Variants in DGKB observed in about 807,000 individuals in gnomAD.
The protein encoded by DGKB is 90 kDa diacylglycerol kinase.
In DGKB, 67 loss-of-function variants were observed where a neutral mutation model predicts 114.3. The ratio of observed to expected loss-of-function variants is 0.59; its 90% CI spans 0.48 to 0.72. The LOEUF (loss-of-function observed/expected upper bound fraction) is 0.72. DGKB is among the 30% of genes least tolerant of loss of function. The pLI is 0.00. For missense variants in DGKB, 907 were observed against 975.2 expected (o/e 0.93, Z 0.93); for synonymous variants, 398 against 323.1 (o/e 1.23, Z -2.49).
At chr7:14,917,427 T>G (rs1784297197) in intron 1 of DGKB, among the ~76,000 whole-genome samples, 1 of 151,950 alleles carries the variant, frequency 6.6e-6, no homozygotes, top group Admixed American at 6.6e-5. Flanking sequence ...TACTAACATC[T>G]GTAGCAAAAT....
At chr7:14,610,225 T>C (rs748006346) in intron 16 of DGKB, among the ~76,000 whole-genome samples, 1 of 151,966 alleles carries the variant, frequency 6.6e-6, no homozygotes, top group African/African-American at 2.4e-5. Flanking sequence ...TTTGCAGCAA[T>C]ATGGATGGAG....
chr7:14,226,035 GA>G (rs1399843576), intron 23 of DGKB, among the ~76,000 whole-genome samples: 1 of 151,772 alleles, frequency 6.6e-6, no homozygotes, highest in Admixed American at 6.6e-5. Context: ...GTTTCCATTT[GA>G]AATATCTGAA....
At chr7:14,945,148 C>G (rs984200249) in intron 1 of DGKB, among the ~76,000 whole-genome samples, 2 of 151,592 alleles carry the variant, frequency 1.3e-5, no homozygotes, top group Non-Finnish European at 2.9e-5. Flanking sequence ...ATAATGGATA[C>G]TACACAACAA....
intron 2 of DGKB, among the ~76,000 whole-genome samples, chr7:14,768,437 T>C (rs1267903391): frequency 6.8e-6 from 1 of 147,404 alleles, no homozygotes; most frequent in Non-Finnish European, 1.5e-5. Flanking sequence ...TACAGCATTC[T>C]CTGATTCTAT....
chr7:14,602,891 TA>T (rs1803811730), intron 17 of DGKB, among the ~76,000 whole-genome samples: 1 of 152,220 alleles, frequency 6.6e-6, no homozygotes. Flanking sequence ...GCAATTTTGA[TA>T]GGCAATAATC....
intron 2 of DGKB, among the ~76,000 whole-genome samples, chr7:14,815,556 G>T (rs958895292): frequency 2.0e-5 from 3 of 152,076 alleles, no homozygotes; most frequent in African/African-American, 7.2e-5. Context: ...GCTTACATAG[G>T]TGCTATGGCA....
At chr7:14,639,753 T>C (rs1811394890) in intron 13 of DGKB, among the ~76,000 whole-genome samples, 1 of 152,210 alleles carries the variant, frequency 6.6e-6, no homozygotes, top group Non-Finnish European at 1.5e-5. Flanking sequence ...ATAGGTTGTT[T>C]TGTTTTTGTT....
chr7:14,180,699 T>C (rs1369810705), intron 23 of DGKB, among the ~76,000 whole-genome samples: 3 of 152,214 alleles, frequency 2.0e-5, no homozygotes, highest in African/African-American at 7.2e-5. Context: ...CAGCACAATC[T>C]GCAATCTGTC....
intron 1 of DGKB, among the ~76,000 whole-genome samples, chr7:14,845,106 C>CAAAAAAAAAAAAAAAAAAA (rs59367496): frequency 8.6e-4 from 77 of 89,230 alleles, no homozygotes; most frequent in Non-Finnish European, 1.3e-3. Context: ...GGCCCTGTGT[C>CAAAAAAAAAAAAAAAAAAA]AAAAAAAAAA....
chr7:14,353,122 C>T (rs1241802523), intron 21 of DGKB, among the ~76,000 whole-genome samples: 1 of 152,016 alleles, frequency 6.6e-6, no homozygotes, highest in African/African-American at 2.4e-5. Flanking sequence ...AAATCTAACT[C>T]AAGAAACCCT....
rs566414248 is a variant in DGKB at position 14,660,966 on chromosome 7, T to C, written c.1134+11963A>G. 5.3e-3 allele frequency among the ~76,000 whole-genome samples: 800 copies of C among 150,108 alleles called. 17 individuals carry two copies. Among genetic ancestry groups the C allele is most frequent in the East Asian group, 0.033 (166 of 5,034 alleles). ...CAAGCAATGGGGAAAGGATTCCCTA[T>C]TTAATAAATGGTGCTGGGAAAACTG... On this transcript the variant is annotated intron_variant, in intron 13 of 25. Coordinates refer to ENST00000402815, the MANE Select transcript of DGKB (RefSeq NM_001350709.2).
intron 22 of DGKB, among the ~76,000 whole-genome samples, chr7:14,339,684 C>T (rs1168093420): frequency 6.6e-6 from 1 of 151,716 alleles, no homozygotes; most frequent in East Asian, 1.9e-4. Flanking sequence ...CTTTAAAATG[C>T]TAGTTATTAT....
At chr7:14,230,860 G>C (rs1482163233) in intron 23 of DGKB, among the ~76,000 whole-genome samples, 3 of 151,954 alleles carry the variant, frequency 2.0e-5, no homozygotes, top group South Asian at 2.1e-4. Flanking sequence ...GTACCTCAGG[G>C]AAGTCTTTCT....
chr7:14,753,747 G>A (rs556609485), intron 4 of DGKB, among the ~76,000 whole-genome samples, 181 bp downstream of exon 4: 3 of 152,114 alleles, frequency 2.0e-5, no homozygotes, highest in African/African-American at 4.8e-5. Context: ...ATCCTTTGAT[G>A]GATTAAAAAT....
Position 14,724,372 on chromosome 7 carries a change from C to G in DGKB, c.323-5687G>C, listed in dbSNP as rs1829706761. Among the ~76,000 whole-genome samples the G allele has an allele frequency of 3.3e-5, 5 of 152,026 alleles. No homozygotes were observed. In the South Asian group the frequency reaches 1.0e-3, roughly 32 times the overall value. The stretch of plus-strand genomic sequence containing the variant: ...TTATCTTTCATTCTTTATGTTTACC[C>G]AAACCGGCAGCAAAATTAGGTAGAT... On this transcript the variant is annotated intron_variant, in intron 5 of 25. Coordinates refer to ENST00000402815, the MANE Select transcript of DGKB (RefSeq NM_001350709.2).
At chr7:14,714,350 C>G (rs570539698) in intron 6 of DGKB, among the ~76,000 whole-genome samples, 5 of 152,134 alleles carry the variant, frequency 3.3e-5, no homozygotes, top group African/African-American at 9.6e-5. Context: ...ATGGTTTGTG[C>G]ATATGTGTGC....
chr7:14,929,677 T>C lies in DGKB; in HGVS notation c.-188+45019A>G, dbSNP rs986622674. Among the ~76,000 whole-genome samples, 4 of 152,302 alleles carry C rather than the reference T, an allele frequency of 2.6e-5. No homozygotes were observed. The East Asian group carries it at 7.7e-4, about 29-fold the overall frequency. On this transcript the variant is annotated intron_variant, in intron 1 of 4. Transcript: ENST00000437998. ...TTTCCTCCATTCTGCAGGCTGTCTG[T>C]TCACTCTGTTGATTATTTCCTTTGC...
At chr7:14,950,638 T>C (rs903980595) in intron 1 of DGKB, among the ~76,000 whole-genome samples, 4 of 151,854 alleles carry the variant, frequency 2.6e-5, no homozygotes, top group Non-Finnish European at 4.4e-5. Flanking sequence ...AAAAGAAAAG[T>C]CCAGGCATGC....
intron 21 of DGKB, among the ~76,000 whole-genome samples, chr7:14,433,883 A>G (rs929576196): frequency 1.1e-4 from 17 of 152,134 alleles, no homozygotes; most frequent in African/African-American, 3.9e-4. Context: ...TACACCTTAC[A>G]CTCATAGCCC....
Sources: gnomAD v4.1 joint callset for allele counts (sites outside exome capture counted in the v4.1 genomes callset) on GRCh38, gnomAD v4.1.1 for gene constraint, MANE v1.5 for transcripts, NCBI Gene and HGNC (gene_info 2026-07-23, HGNC 2026-07-21) for gene names.